Variants in DLG2 observed in about 807,000 individuals in gnomAD.
The protein encoded by DLG2 is disks large homolog 2.
DLG2 carries 45 observed loss-of-function variants against 132.5 expected under a neutral mutation model. The ratio of observed to expected loss-of-function variants is 0.34; its 90% CI spans 0.27 to 0.44. The LOEUF is 0.44. Among genes scored for constraint, DLG2 ranks in the 20% least tolerant of loss-of-function variants. The probability of loss-of-function intolerance (pLI) is 1.00; values close to 1 mark genes in which losing one functional copy is unlikely to be tolerated. For synonymous variants in DLG2, 424 were observed against 419.6 expected (o/e 1.01, Z -0.13); for missense variants, 1,045 against 1,196.9 (o/e 0.87, Z 1.87).
At chr11:85,532,064 A>G (rs2075248538) in intron 3 of DLG2, among the ~76,000 whole-genome samples, 1 of 152,166 alleles carries the variant, frequency 6.6e-6, no homozygotes, top group South Asian at 2.1e-4. Flanking sequence ...TGTTTAATAC[A>G]TTTAGGTATA....
intron 11 of DLG2, among the ~76,000 whole-genome samples, chr11:84,057,656 T>C (rs1161667098): frequency 6.6e-6 from 1 of 152,164 alleles, no homozygotes; most frequent in Non-Finnish European, 1.5e-5. Flanking sequence ...TAAAACCATA[T>C]GTAGTAAATA....
chr11:85,430,269 G>A (rs2091080184), intron 3 of DLG2, among the ~76,000 whole-genome samples: 2 of 151,362 alleles, frequency 1.3e-5, no homozygotes, highest in Non-Finnish European at 2.9e-5. Context: ...GAGTTGATGG[G>A]TGCAGCACAC....
chr11:85,029,870 TTG>T (rs1033906744), intron 6 of DLG2, among the ~76,000 whole-genome samples: 2 of 151,644 alleles, frequency 1.3e-5, no homozygotes, highest in Non-Finnish European at 1.5e-5. Context: ...TATGACTGGC[TTG>T]TGTGTGTGTG....
At chr11:84,229,903 T>G (rs1173122477) in intron 8 of DLG2, among the ~76,000 whole-genome samples, 1 of 152,198 alleles carries the variant, frequency 6.6e-6, no homozygotes, top group Admixed American at 6.5e-5. Flanking sequence ...TCAATAAATA[T>G]AAATGATTTT....
At chr11:84,123,719 G>C (rs1228340109) in intron 9 of DLG2, among the ~76,000 whole-genome samples, 2 of 152,152 alleles carry the variant, frequency 1.3e-5, no homozygotes, top group Non-Finnish European at 2.9e-5. Flanking sequence ...CATTTCTTTT[G>C]CATGAAATAG....
At chr11:85,269,269 G>A (rs964137110) in intron 4 of DLG2, among the ~76,000 whole-genome samples, 1 of 152,210 alleles carries the variant, frequency 6.6e-6, no homozygotes, top group African/African-American at 2.4e-5. Context: ...AAGCATGTCT[G>A]GCTTGGATCT....
chr11:85,352,002 A>T (rs2083327068), intron 3 of DLG2, among the ~76,000 whole-genome samples: 2 of 152,100 alleles, frequency 1.3e-5, no homozygotes, highest in Admixed American at 1.3e-4. Context: ...TCCTCTTTGT[A>T]CCTCTGATAG....
At chr11:83,917,809 G>A (rs986751667) in intron 15 of DLG2, among the ~76,000 whole-genome samples, 1 of 152,150 alleles carries the variant, frequency 6.6e-6, no homozygotes, top group Non-Finnish European at 1.5e-5. Context: ...CATACAGCAT[G>A]GTTCCTACCT....
At chr11:83,830,861 C>T (rs2054291003) in intron 17 of DLG2, among the ~76,000 whole-genome samples, 1 of 152,136 alleles carries the variant, frequency 6.6e-6, no homozygotes, top group Admixed American at 6.6e-5. Context: ...AGAATTAATG[C>T]ATGTGACAGT....
In DLG2 at chr11:83,457,137, C is replaced by G. The variant is rs1400307835; in HGVS notation, c.*2681G>C. 2 of 152,638 alleles carry G rather than the reference C, an allele frequency of 1.3e-5. No homozygotes were observed. Among genetic ancestry groups the G allele is most frequent in the Non-Finnish European group, 2.9e-5 (2 of 68,064 alleles). 9.5% of individuals were successfully genotyped at this position (152,638 alleles called of 1,614,324 possible). On this transcript the variant is annotated 3_prime_UTR_variant, in exon 28 of 28. Transcript: ENST00000376104. ...TGTGAAGGTGACATTGCACCCCCAG[C>G]AAGCCTTCAGGTTGGAGAGAGCTCT...
At chr11:84,538,001 C>T (rs1192383847) in intron 6 of DLG2, among the ~76,000 whole-genome samples, 1 of 152,198 alleles carries the variant, frequency 6.6e-6, no homozygotes, top group Non-Finnish European at 1.5e-5. Flanking sequence ...ACATATCTTT[C>T]TCCTCATCAT....
At chr11:84,981,228 T>C (rs1293240243) in intron 6 of DLG2, among the ~76,000 whole-genome samples, 1 of 152,202 alleles carries the variant, frequency 6.6e-6, no homozygotes, top group Admixed American at 6.6e-5. Context: ...AGAATAAATA[T>C]ATTTTGAGAA....
chr11:85,143,043 G>C (rs1325745536), intron 5 of DLG2, among the ~76,000 whole-genome samples: 1 of 151,608 alleles, frequency 6.6e-6, no homozygotes, highest in African/African-American at 2.4e-5. Flanking sequence ...TCCGGTTTTG[G>C]CATCGTGGTA....
chr11:85,380,213 G>C (rs977031615), intron 3 of DLG2, among the ~76,000 whole-genome samples: 11 of 152,014 alleles, frequency 7.2e-5, no homozygotes, highest in African/African-American at 1.9e-4. Flanking sequence ...AATATATATA[G>C]TGTTTATTCC....
intron 3 of DLG2, among the ~76,000 whole-genome samples, chr11:85,455,260 T>C (rs1452538307): frequency 6.6e-6 from 1 of 152,178 alleles, no homozygotes; most frequent in African/African-American, 2.4e-5. Context: ...GCTACATTCC[T>C]AGGTATTTTA....
rs181636370 is a variant in DLG2 at position 85,426,164 on chromosome 11, C to G, written c.41-140799G>C. 6.0e-3 allele frequency among the ~76,000 whole-genome samples: 910 copies of G among 152,296 alleles called. 8 individuals are homozygous for G. The highest frequency in any genetic ancestry group is 0.02 in the African/African-American group (844 of 41,568). ...GAAGCTCGAACTGGGTAGAGCCCACCGCAGCTCAAGGAGGCCTGCCTACCT... is the reference window on the plus strand; with the variant it reads ...GAAGCTCGAACTGGGTAGAGCCCACGGCAGCTCAAGGAGGCCTGCCTACCT... On this transcript the variant is annotated intron_variant, in intron 3 of 27. Transcript: ENST00000376104.
chr11:85,266,701 A>G (rs985956770), intron 4 of DLG2, among the ~76,000 whole-genome samples: 8 of 152,246 alleles, frequency 5.3e-5, no homozygotes, highest in Admixed American at 3.9e-4. Flanking sequence ...AGTGTGGCAT[A>G]AAGTAGGCTT....
At chr11:84,447,012 T>G (rs906248687) in intron 7 of DLG2, among the ~76,000 whole-genome samples, 1 of 152,198 alleles carries the variant, frequency 6.6e-6, no homozygotes, top group African/African-American at 2.4e-5. Context: ...GCTTTAGAGT[T>G]TAATAAGTAT....
chr11:84,317,767 T>C (rs1474751678), intron 7 of DLG2, among the ~76,000 whole-genome samples: 1 of 152,194 alleles, frequency 6.6e-6, no homozygotes, highest in African/African-American at 2.4e-5. Context: ...GAAGTAACTA[T>C]ATAAGATCAT....
Sources: gnomAD v4.1 joint callset for allele counts (sites outside exome capture counted in the v4.1 genomes callset) on GRCh38, gnomAD v4.1.1 for gene constraint, MANE v1.5 for transcripts, NCBI Gene and HGNC (gene_info 2026-07-23, HGNC 2026-07-21) for gene names.